Variants in RRH observed in about 807,000 individuals in gnomAD.
The protein encoded by RRH is retinal pigment epithelium-derived rhodopsin homolog, also known as visual pigment-like receptor peropsin.
RRH carries 36 observed loss-of-function variants against 33.1 expected under a neutral mutation model. The observed-to-expected ratio is 1.09, with a 90% CI of 0.83 to 1.44. The LOEUF is 1.44. Among genes scored for constraint, RRH ranks in the 40% most tolerant of loss-of-function variants. RRH has a pLI of 0.00. For synonymous variants in RRH, 124 were observed against 140.2 expected, an observed-to-expected ratio of 0.88 and a Z score of 0.82; for missense variants, 393 against 420.2, an observed-to-expected ratio of 0.94 and a Z score of 0.57.
At chr4:109,836,891 C>CAAAAAAAAAAAAAAAAAAAAAAAAAAAA (rs56989659) in intron 4 of RRH, among the ~76,000 whole-genome samples, 3 of 84,416 alleles carry the variant, frequency 3.6e-5, no homozygotes, top group African/African-American at 1.8e-4. Context: ...CCTGTCTCTA[C>CAAAAAAAAAAAAAAAAAAAAAAAAAAAA]AAAAAAAAAA....
intron 2 of RRH, among the ~76,000 whole-genome samples, chr4:109,835,110 CAT>C (rs1323756704): frequency 6.6e-6 from 1 of 152,058 alleles, no homozygotes; most frequent in Non-Finnish European, 1.5e-5. Flanking sequence ...GCACTCTGTT[CAT>C]AGAGTGTTGT....
chr4:109,843,317 T>C lies in RRH; in HGVS notation c.899+670T>C, dbSNP rs566380451. ...AACCTCTGCCTCCAGGTTCAAGCAA[T>C]TCCCTGCCTCAGCCTCCCGAGTAGC... On this transcript the variant is annotated intron_variant, in intron 6 of 6. Transcript: ENST00000317735. Among the ~76,000 whole-genome samples the C allele has an allele frequency of 4.6e-5, 7 of 152,244 alleles. No homozygotes were observed. In the East Asian group the frequency reaches 1.4e-3, roughly 29 times the overall value.
intron 5 of RRH, among the ~76,000 whole-genome samples, chr4:109,838,401 C>A (rs1194501512): frequency 6.6e-6 from 1 of 152,166 alleles, no homozygotes; most frequent in Non-Finnish European, 1.5e-5. Context: ...TCCTGAGGAC[C>A]ACTGCTCAGA....
At chr4:109,842,323 G>GA (rs377321863) in intron 5 of RRH, 146 bp from the exon 6 acceptor site, 53 of 741,628 alleles carry the variant, frequency 7.1e-5, no homozygotes, top group East Asian at 8.4e-5. Flanking sequence ...ATTGAAGGCA[G>GA]AAAAAAAACT....
Position 109,828,105 on chromosome 4 carries a change from T to C in RRH, c.78T>C (p.Asn26=), listed in dbSNP as rs1408180814. 1 of 1,611,196 alleles carries C rather than the reference T, an allele frequency of 6.2e-7. No homozygotes were observed. The highest frequency in any genetic ancestry group is 1.7e-5 in the Admixed American group (1 of 60,000). ...DGSVFSQTEH[N]IVATYLIMAG... Reference sequence around the variant, plus strand: ...CGGTCTTTTCACAGACTGAACACAATATTGTTGCAACTTACTTGATTATGG... The same window carrying C: ...CGGTCTTTTCACAGACTGAACACAACATTGTTGCAACTTACTTGATTATGG... Residue 26 remains asparagine (N), a synonymous_variant, in exon 1 of 7, where the codon AAT becomes AAC. Transcript: ENST00000317735.
chr4:109,836,803 C>T (rs1319306916), intron 4 of RRH, among the ~76,000 whole-genome samples: 1 of 149,610 alleles, frequency 6.7e-6, no homozygotes, highest in African/African-American at 2.5e-5. Flanking sequence ...GCCTGTAATC[C>T]CAGCACTTTG....
At chr4:109,837,377 T>G (rs1252808390) in intron 4 of RRH, 60 bp from the exon 5 acceptor site, 8 of 1,380,428 alleles carry the variant, frequency 5.8e-6, no homozygotes, top group Non-Finnish European at 7.2e-6. Flanking sequence ...ATCTCCTCTT[T>G]CTCCTTCCCC....
At chr4:109,840,185 T>C (rs1046604843) in intron 5 of RRH, among the ~76,000 whole-genome samples, 1 of 152,210 alleles carries the variant, frequency 6.6e-6, no homozygotes, top group Non-Finnish European at 1.5e-5. Flanking sequence ...TTGTATCTCA[T>C]TGTGGTTTTG....
chr4:109,835,929 A>C, intron 3 of RRH, 78 bp from the exon 4 acceptor site: 1 of 1,559,016 alleles, frequency 6.4e-7, no homozygotes, highest in Non-Finnish European at 8.8e-7. Flanking sequence ...ACTTGATAAC[A>C]CTTACAAATC....
chr4:109,838,527 A>G (rs1282710739), intron 5 of RRH, among the ~76,000 whole-genome samples: 1 of 148,888 alleles, frequency 6.7e-6, no homozygotes, highest in African/African-American at 2.5e-5. Context: ...TTCTTAGTTT[A>G]TTTCCTCTGA....
chr4:109,836,261 G>A, intron 4 of RRH, 101 bp downstream of exon 4: 1 of 1,271,114 alleles, frequency 7.9e-7, no homozygotes. Flanking sequence ...CATACAGAAG[G>A]TGGCGAAGCA....
intron 1 of RRH, among the ~76,000 whole-genome samples, chr4:109,830,686 C>T (rs752796366): frequency 2.0e-5 from 3 of 151,838 alleles, no homozygotes; most frequent in Non-Finnish European, 2.9e-5. Flanking sequence ...TTTGAGTGTC[C>T]GGAGGCTGAA....
intron 1 of RRH, among the ~76,000 whole-genome samples, chr4:109,831,024 G>C (rs1413283411): frequency 6.6e-6 from 1 of 152,114 alleles, no homozygotes; most frequent in East Asian, 1.9e-4. Flanking sequence ...CTACAGCTGT[G>C]GAAACAAGGC....
At chr4:109,839,785 A>T (rs7664699) in intron 5 of RRH, among the ~76,000 whole-genome samples, 1 of 152,204 alleles carries the variant, frequency 6.6e-6, no homozygotes, top group Non-Finnish European at 1.5e-5. Context: ...TGCAAAGGAC[A>T]TGATCTCATT....
rs533358377 is a variant in RRH, at chr4:109,832,705, T to C, written c.107-434T>C. ...TGACAAAAGTGCTGTGAGGATAGAA[T>C]GATAATTGAAGCTTGAGAAAGGCAA... On this transcript the variant is annotated intron_variant, in intron 1 of 6. Coordinates refer to ENST00000317735, the MANE Select transcript of RRH (RefSeq NM_006583.5). Among the ~76,000 whole-genome samples, 6 of 152,004 alleles carry C rather than the reference T, an allele frequency of 3.9e-5. No individual in the cohort carries two copies. The South Asian group carries it at 1.2e-3, about 32-fold the overall frequency.
intron 1 of RRH, among the ~76,000 whole-genome samples, chr4:109,830,536 G>T (rs1354945927): frequency 6.6e-6 from 1 of 152,060 alleles, no homozygotes; most frequent in East Asian, 1.9e-4. Context: ...TGATGCCTAG[G>T]TTTCTTTTTT....
intron 5 of RRH, among the ~76,000 whole-genome samples, chr4:109,839,774 C>T (rs903845325): frequency 6.6e-5 from 10 of 152,318 alleles, no homozygotes; most frequent in Non-Finnish European, 1.5e-4. Flanking sequence ...ATCGATGTCC[C>T]TGCAAAGGAC....
In RRH at chr4:109,844,175, C is replaced by T. The variant is rs1026017690; in HGVS notation, c.992C>T (p.Pro331Leu). The change falls in exon 7 of 7, where the codon CCA becomes CTA. Residue 331 changes from proline (P) to leucine (L), a missense_variant. Physicochemically the swap from Pro to Leu is moderately conservative, Grantham distance 98. Coordinates refer to ENST00000317735, the MANE Select transcript of RRH (RefSeq NM_006583.5). ...TTACCCATGGATGTATCTCAAAACC[C>T]ATTGGCTTCTGGAAGAATCTGAAAT... ...SILPMDVSQN[P>L]LASGRI The T allele has an allele frequency of 3.7e-6, 6 of 1,610,758 alleles. No individual in the cohort carries two copies. In the Admixed American group the frequency reaches 5.0e-5, roughly 13 times the overall value.
intron 1 of RRH, among the ~76,000 whole-genome samples, chr4:109,829,301 A>G (rs1414150004): frequency 6.6e-6 from 1 of 152,054 alleles, no homozygotes; most frequent in African/African-American, 2.4e-5. Flanking sequence ...TATGATAAGT[A>G]CTAGACAAGT....
Sources: allele counts gnomAD v4.1 joint callset (sites outside exome capture counted in the v4.1 genomes callset), GRCh38; gene constraint gnomAD v4.1.1; transcripts MANE v1.5; gene names NCBI Gene and HGNC (gene_info 2026-07-23, HGNC 2026-07-21).